The following CCSER1 variants were observed in gnomAD, a reference collection of about 807,000 sequenced individuals.
CCSER1 encodes the protein coiled-coil serine rich protein 1, also known as serine-rich coiled-coil domain-containing protein 1.
A neutral mutation model predicts 82.0 loss-of-function variants in CCSER1; 41 were observed. The observed-to-expected ratio is 0.50, with a 90% CI of 0.39 to 0.65. CCSER1 has a LOEUF of 0.65. Among genes scored for constraint, CCSER1 ranks in the 30% least tolerant of loss-of-function variants. The probability of loss-of-function intolerance (pLI) is 0.00; values close to 1 mark genes in which losing one functional copy is unlikely to be tolerated. For missense variants in CCSER1, 1,119 were observed against 1,064.2 expected (o/e 1.05, Z -0.72); for synonymous variants, 414 against 383.9 (o/e 1.08, Z -0.92).
intron 10 of CCSER1, among the ~76,000 whole-genome samples, chr4:91,162,778 C>T (rs1319587816): frequency 6.6e-6 from 1 of 152,058 alleles, no homozygotes; most frequent in Non-Finnish European, 1.5e-5. Flanking sequence ...GTGGTCATAT[C>T]CCCTTTATCA....
intron 10 of CCSER1, among the ~76,000 whole-genome samples, chr4:91,577,343 C>T (rs940089290): frequency 6.6e-6 from 1 of 151,842 alleles, no homozygotes; most frequent in African/African-American, 2.4e-5. Flanking sequence ...GAGAGAAGAT[C>T]AGTGTTTCCA....
chr4:90,620,909 G>A (rs1466153120), intron 5 of CCSER1, among the ~76,000 whole-genome samples: 1 of 152,126 alleles, frequency 6.6e-6, no homozygotes, highest in African/African-American at 2.4e-5. Flanking sequence ...CACCTCCTGG[G>A]TTCAAGCCAT....
At chr4:90,423,022 A>G (rs1011228605) in intron 4 of CCSER1, among the ~76,000 whole-genome samples, 1 of 152,152 alleles carries the variant, frequency 6.6e-6, no homozygotes, top group African/African-American at 2.4e-5. Flanking sequence ...TACTTATTGA[A>G]CATCAGTATA....
intron 8 of CCSER1, among the ~76,000 whole-genome samples, chr4:90,891,794 C>G (rs1366764535): frequency 6.6e-6 from 1 of 151,980 alleles, no homozygotes; most frequent in African/African-American, 2.4e-5. Flanking sequence ...TACATTCACT[C>G]CTATTTTGCA....
intron 5 of CCSER1, among the ~76,000 whole-genome samples, chr4:90,551,554 C>T (rs1777476551): frequency 6.6e-6 from 1 of 151,824 alleles, no homozygotes; most frequent in East Asian, 1.9e-4. Flanking sequence ...TTCACTTTCT[C>T]TGGAGAGGCT....
At chr4:90,649,662 T>A (rs1298439197) in intron 6 of CCSER1, 3 of 152,256 alleles carry the variant, frequency 2.0e-5, no homozygotes, top group Non-Finnish European at 4.4e-5. Flanking sequence ...GCCATCAGTT[T>A]ATAGTATTTT....
intron 10 of CCSER1, among the ~76,000 whole-genome samples, chr4:91,255,794 T>C (rs184720352): frequency 5.4e-4 from 83 of 152,350 alleles, no homozygotes; most frequent in African/African-American, 1.9e-3. Flanking sequence ...TACTCTTATA[T>C]TTCCTATGCC....
intron 6 of CCSER1, among the ~76,000 whole-genome samples, chr4:90,674,386 C>T (rs191874559): frequency 6.6e-4 from 100 of 151,864 alleles, no homozygotes; most frequent in African/African-American, 2.2e-3. Flanking sequence ...GATGCTGACT[C>T]TAGCATGATG....
At chr4:91,225,313 G>A (rs1308985238) in intron 10 of CCSER1, among the ~76,000 whole-genome samples, 11 of 119,848 alleles carry the variant, frequency 9.2e-5, no homozygotes, top group African/African-American at 3.3e-4. Flanking sequence ...TATTATATAT[G>A]TAATATATAT....
At chr4:90,346,308 C>G (rs1742323809) in intron 3 of CCSER1, among the ~76,000 whole-genome samples, 1 of 151,936 alleles carries the variant, frequency 6.6e-6, no homozygotes, top group Non-Finnish European at 1.5e-5. Context: ...TCTTATTATT[C>G]AGTTAAGTGG....
At chr4:90,870,834 T>TA (rs1337379292) in intron 8 of CCSER1, among the ~76,000 whole-genome samples, 8 of 138,240 alleles carry the variant, frequency 5.8e-5, no homozygotes, top group East Asian at 2.0e-4. Context: ...TTTTTTTTTT[T>TA]ACCGGGAGAC....
chr4:90,804,104 G>T (rs988592991), intron 7 of CCSER1, among the ~76,000 whole-genome samples: 1 of 151,972 alleles, frequency 6.6e-6, no homozygotes, highest in Admixed American at 6.6e-5. Context: ...TGTAGATTCT[G>T]GTTATTACTC....
chr4:90,227,835 C>G (rs1743506450), intron 1 of CCSER1, among the ~76,000 whole-genome samples: 1 of 152,230 alleles, frequency 6.6e-6, no homozygotes, highest in South Asian at 2.1e-4. Context: ...AGGGAGTTCC[C>G]TTTCCTAGTC....
At chr4:91,496,657 AATAT>A (rs368302046) in intron 10 of CCSER1, among the ~76,000 whole-genome samples, 1 of 23,748 alleles carries the variant, frequency 4.2e-5, no homozygotes, top group African/African-American at 1.0e-4. Context: ...ATATATATTG[AATAT>A]ATATATATTC....
At chr4:91,114,042 C>T (rs1308792452) in intron 10 of CCSER1, among the ~76,000 whole-genome samples, 2 of 151,898 alleles carry the variant, frequency 1.3e-5, no homozygotes, top group African/African-American at 4.8e-5. Context: ...TTAGTAGAGA[C>T]GGGGTTTCAT....
At chr4:91,081,664 CCAT>C (rs2148803202) in intron 9 of CCSER1, among the ~76,000 whole-genome samples, 2 of 152,258 alleles carry the variant, frequency 1.3e-5, no homozygotes, top group East Asian at 3.9e-4. Flanking sequence ...TTAGAAAACC[CCAT>C]CATCTGAGCC....
At chr4:91,113,929 T>C (rs1581581868) in intron 10 of CCSER1, among the ~76,000 whole-genome samples, 1 of 152,078 alleles carries the variant, frequency 6.6e-6, no homozygotes, top group East Asian at 1.9e-4. Flanking sequence ...CTCGGCTCAC[T>C]GCAAGCTCCG....
intron 10 of CCSER1, among the ~76,000 whole-genome samples, chr4:91,169,142 T>TCCTATGAC (rs1732485368): frequency 6.8e-6 from 1 of 146,128 alleles, no homozygotes; most frequent in African/African-American, 2.5e-5. Flanking sequence ...TCCACTATTA[T>TCCTATGAC]CCTATGACCC....
intron 10 of CCSER1, among the ~76,000 whole-genome samples, chr4:91,274,126 C>T (rs946585502): frequency 3.3e-5 from 5 of 152,098 alleles, no homozygotes; most frequent in African/African-American, 7.2e-5. Flanking sequence ...GATTTGGCAT[C>T]TTATTAAAAA....
Sources: gnomAD v4.1 joint callset for allele counts (sites outside exome capture counted in the v4.1 genomes callset) on GRCh38, gnomAD v4.1.1 for gene constraint, MANE v1.5 for transcripts, NCBI Gene and HGNC (gene_info 2026-07-23, HGNC 2026-07-21) for gene names.